The following MGAT4C variants were observed in gnomAD, a reference collection of about 807,000 sequenced individuals.
MGAT4C encodes the protein alpha-1,3-mannosyl-glycoprotein 4-beta-N-acetylglucosaminyltransferase C.
MGAT4C carries 19 observed loss-of-function variants against 40.1 expected under a neutral mutation model. That is an observed-to-expected ratio of 0.47 (90% CI 0.33 to 0.70). The LOEUF is 0.70. Among genes scored for constraint, MGAT4C ranks in the 30% least tolerant of loss-of-function variants. The probability of loss-of-function intolerance (pLI) is 0.02; values close to 1 mark genes in which losing one functional copy is unlikely to be tolerated. For missense variants in MGAT4C, 491 were observed against 563.2 expected (o/e 0.87, Z 1.30); for synonymous variants, 181 against 187.1 (o/e 0.97, Z 0.27).
Position 86,303,559 on chromosome 12 carries a change from T to TAAA in MGAT4C, c.-57+30503_-57+30505dup, listed in dbSNP as rs67440846. ...TGGAGAATGATTGAAGGAAGACACTTAAAAAAAAAAGAATAAAACTACTGC... is the reference window on the plus strand; with the variant it reads ...TGGAGAATGATTGAAGGAAGACACTTAAAAAAAAAAAAAGAATAAAACTACTGC... On this transcript the variant is annotated intron_variant, in intron 4 of 7. Coordinates refer to the MGAT4C transcript ENST00000548651. Among the ~76,000 whole-genome samples the TAAA allele has an allele frequency of 4.8e-5, 7 of 145,946 alleles. No homozygotes were observed. The South Asian group carries it at 1.3e-3, about 27-fold the overall frequency.
chr12:86,462,205 G>A (rs533772318), intron 2 of MGAT4C, among the ~76,000 whole-genome samples: 25 of 152,202 alleles, frequency 1.6e-4, no homozygotes, highest in African/African-American at 5.8e-4. Context: ...TAAACATAAT[G>A]TTTCTTTAGC....
chr12:86,453,403 A>G (rs1291418318), intron 2 of MGAT4C, among the ~76,000 whole-genome samples: 1 of 152,186 alleles, frequency 6.6e-6, no homozygotes, highest in Admixed American at 6.6e-5. Flanking sequence ...TTCCTGAAAC[A>G]TTCTATTTAT....
At chr12:86,140,719 T>C (rs571883969) in intron 1 of MGAT4C, among the ~76,000 whole-genome samples, 7 of 152,260 alleles carry the variant, frequency 4.6e-5, no homozygotes, top group Admixed American at 3.9e-4. Flanking sequence ...GGTTCAATCA[T>C]AGTTTCTTGT....
intron 1 of MGAT4C, among the ~76,000 whole-genome samples, chr12:86,774,345 C>CTTTCTT (rs1951708548): frequency 2.7e-4 from 4 of 14,920 alleles, no homozygotes; most frequent in African/African-American, 8.0e-4. Context: ...CTTTCTGTCT[C>CTTTCTT]TCTCTCTCCC....
chr12:86,406,268 C>T (rs1013873588), intron 3 of MGAT4C, among the ~76,000 whole-genome samples: 7 of 151,038 alleles, frequency 4.6e-5, no homozygotes, highest in Admixed American at 1.3e-4. Context: ...AAATTAAAAC[C>T]TTTTGTCCTG....
intron 2 of MGAT4C, among the ~76,000 whole-genome samples, chr12:86,010,380 T>C (rs576639043): frequency 6.6e-6 from 1 of 152,296 alleles, no homozygotes; most frequent in Admixed American, 6.5e-5. Flanking sequence ...ATGTTTGTCT[T>C]TTTTAAAACC....
At chr12:86,148,734 G>A (rs1883880971) in intron 1 of MGAT4C, among the ~76,000 whole-genome samples, 1 of 152,112 alleles carries the variant, frequency 6.6e-6, no homozygotes, top group Admixed American at 6.5e-5. Flanking sequence ...ACCATTATAT[G>A]GAATTGCAGA....
intron 1 of MGAT4C, among the ~76,000 whole-genome samples, chr12:86,136,181 A>G (rs1033326798): frequency 6.6e-6 from 1 of 152,228 alleles, no homozygotes; most frequent in Non-Finnish European, 1.5e-5. Flanking sequence ...TCAGTCATCC[A>G]TTAATTCAAT....
chr12:86,569,446 G>C (rs1043439854), intron 2 of MGAT4C, among the ~76,000 whole-genome samples: 1 of 152,036 alleles, frequency 6.6e-6, no homozygotes, highest in African/African-American at 2.4e-5. Flanking sequence ...CTTATCATCA[G>C]AGAAATGCAA....
intron 1 of MGAT4C, among the ~76,000 whole-genome samples, chr12:86,115,790 C>G (rs1007987627): frequency 6.6e-6 from 1 of 152,064 alleles, no homozygotes; most frequent in Admixed American, 6.6e-5. Flanking sequence ...AGACAGAGCA[C>G]TTGTCTTCTA....
chr12:86,826,807 T>C (rs2136232150), intron 1 of MGAT4C, among the ~76,000 whole-genome samples: 1 of 151,300 alleles, frequency 6.6e-6, no homozygotes, highest in East Asian at 2.0e-4. Flanking sequence ...TGGGGGGAGG[T>C]TCCACCAAAT....
intron 2 of MGAT4C, among the ~76,000 whole-genome samples, chr12:86,480,706 T>C (rs1957923757): frequency 6.6e-6 from 1 of 151,762 alleles, no homozygotes; most frequent in South Asian, 2.1e-4. Context: ...TACATGCTAC[T>C]TATAGTTTTT....
intron 2 of MGAT4C, among the ~76,000 whole-genome samples, chr12:86,563,107 A>G (rs1328383746): frequency 2.0e-5 from 3 of 152,172 alleles, no homozygotes; most frequent in Non-Finnish European, 4.4e-5. Context: ...ACCCTTCACC[A>G]ATACCTTGTG....
intron 2 of MGAT4C, among the ~76,000 whole-genome samples, chr12:86,590,120 A>AAACAG (rs1961261744): frequency 6.6e-6 from 1 of 151,798 alleles, no homozygotes; most frequent in South Asian, 2.1e-4. Context: ...AAACAAAACA[A>AAACAG]AACAGTAAAA....
chr12:85,993,058 C>T (rs928481531), intron 2 of MGAT4C, among the ~76,000 whole-genome samples: 1 of 152,172 alleles, frequency 6.6e-6, no homozygotes, highest in Non-Finnish European at 1.5e-5. Context: ...ATAACAGATG[C>T]CTGGTGAATA....
chr12:86,786,183 C>G (rs963956523), intron 1 of MGAT4C, among the ~76,000 whole-genome samples: 10 of 152,048 alleles, frequency 6.6e-5, no homozygotes, highest in African/African-American at 2.4e-4. Context: ...AACAGATAAA[C>G]AGCTGACAAA....
At chr12:86,587,547 G>A (rs987339718) in intron 2 of MGAT4C, among the ~76,000 whole-genome samples, 2 of 151,906 alleles carry the variant, frequency 1.3e-5, no homozygotes, top group African/African-American at 4.8e-5. Flanking sequence ...GGGCAGTATG[G>A]CCATTTTCAC....
At chr12:86,272,319 T>G (rs1952970745) in intron 4 of MGAT4C, among the ~76,000 whole-genome samples, 1 of 152,226 alleles carries the variant, frequency 6.6e-6, no homozygotes, top group Non-Finnish European at 1.5e-5. Flanking sequence ...GTTTCCATGT[T>G]TTGGCTAGTG....
At chr12:86,195,505 T>C (rs1949768644) in intron 1 of MGAT4C, among the ~76,000 whole-genome samples, 1 of 152,148 alleles carries the variant, frequency 6.6e-6, no homozygotes, top group Non-Finnish European at 1.5e-5. Context: ...CTTTGCATAA[T>C]AATTATTGTA....
Sources: gnomAD v4.1 joint callset for allele counts (sites outside exome capture counted in the v4.1 genomes callset) on GRCh38, gnomAD v4.1.1 for gene constraint, MANE v1.5 for transcripts, NCBI Gene and HGNC (gene_info 2026-07-23, HGNC 2026-07-21) for gene names.